The following SAMHD1 variants were observed in gnomAD, a reference collection of about 807,000 sequenced individuals.
The protein encoded by SAMHD1 is SAM and HD domain containing deoxynucleoside triphosphate triphosphohydrolase 1, also known as deoxynucleoside triphosphate triphosphohydrolase SAMHD1.
In SAMHD1, 54 loss-of-function variants were observed where a neutral mutation model predicts 79.6. The ratio of observed to expected loss-of-function variants is 0.68; its 90% CI spans 0.55 to 0.85. SAMHD1 has a LOEUF of 0.85. SAMHD1 is among the 40% of genes least tolerant of loss of function. The pLI is 0.00. For synonymous variants in SAMHD1, 260 were observed against 264.1 expected, an observed-to-expected ratio of 0.98 and a Z score of 0.15; for missense variants, 663 against 782.7, an observed-to-expected ratio of 0.85 and a Z score of 1.82.
At chr20:36,932,458 T>G (rs1186844193) in intron 4 of SAMHD1, among the ~76,000 whole-genome samples, 4 of 143,494 alleles carry the variant, frequency 2.8e-5, no homozygotes, top group African/African-American at 1.0e-4. Flanking sequence ...TTTCGTGTTT[T>G]TTTTTTTTTT....
intron 15 of SAMHD1, chr20:36,893,336 G>A (rs1990126611): frequency 3.8e-6 from 2 of 522,862 alleles, no homozygotes; most frequent in Non-Finnish European, 6.9e-6. Flanking sequence ...CACCTCTATG[G>A]CCTCCTTCAC....
intron 2 of SAMHD1, among the ~76,000 whole-genome samples, chr20:36,944,804 G>T (rs538728781): frequency 6.6e-6 from 1 of 152,116 alleles, no homozygotes; most frequent in Non-Finnish European, 1.5e-5. Context: ...TGAGGCAGGA[G>T]AATCACTTGA....
At chr20:36,947,708 C>T (rs968413307) in intron 1 of SAMHD1, among the ~76,000 whole-genome samples, 4 of 152,012 alleles carry the variant, frequency 2.6e-5, no homozygotes, top group Non-Finnish European at 5.9e-5. Flanking sequence ...TTGCTTGTTG[C>T]CCAGGTTGGA....
chr20:36,908,616 G>C (rs553783823), intron 11 of SAMHD1, among the ~76,000 whole-genome samples: 3 of 152,202 alleles, frequency 2.0e-5, no homozygotes, highest in African/African-American at 7.2e-5. Context: ...ATTTGGGCTT[G>C]TATTTTACAT....
chr20:36,897,096 G>A (rs1025699625), intron 15 of SAMHD1, among the ~76,000 whole-genome samples: 2 of 152,166 alleles, frequency 1.3e-5, no homozygotes, highest in Admixed American at 6.6e-5. Context: ...CCTGGATCAT[G>A]CCTTGTGGCA....
intron 6 of SAMHD1, among the ~76,000 whole-genome samples, chr20:36,926,799 C>T (rs912074776): frequency 2.4e-4 from 36 of 152,192 alleles, no homozygotes; most frequent in Non-Finnish European, 4.3e-4. Flanking sequence ...TAAGTTAGTT[C>T]GTGGTCATAC....
intron 3 of SAMHD1, among the ~76,000 whole-genome samples, chr20:36,937,359 C>CA (rs1352850857): frequency 1.3e-5 from 2 of 151,202 alleles, no homozygotes; most frequent in Non-Finnish European, 2.9e-5. Context: ...CACAAATGAA[C>CA]AAAAAAAATA....
chr20:36,912,998 C>G (rs1277421988), intron 9 of SAMHD1, among the ~76,000 whole-genome samples: 1 of 115,296 alleles, frequency 8.7e-6, no homozygotes, highest in Non-Finnish European at 1.7e-5. Flanking sequence ...TTTCTTTCTT[C>G]CTTTTTTTTT....
chr20:36,893,989 G>T, intron 15 of SAMHD1: 2 of 398,498 alleles, frequency 5.0e-6, no homozygotes, highest in South Asian at 1.3e-4. Flanking sequence ...CCTCTGGCAC[G>T]AGCGGCAGTG....
intron 11 of SAMHD1, among the ~76,000 whole-genome samples, chr20:36,907,599 G>C (rs571693552): frequency 7.1e-6 from 1 of 140,532 alleles, no homozygotes; most frequent in African/African-American, 2.7e-5. Context: ...GAGTGCAATG[G>C]TGCGATCTCA....
At chr20:36,926,595 A>AG (rs1032753952) in intron 6 of SAMHD1, among the ~76,000 whole-genome samples, 39 of 152,110 alleles carry the variant, frequency 2.6e-4, no homozygotes, top group African/African-American at 9.4e-4. Flanking sequence ...AAAGAGAGAG[A>AG]GAAAAAAAAA....
At chr20:36,894,902 T>C (rs959626048) in intron 15 of SAMHD1, among the ~76,000 whole-genome samples, 13 of 152,116 alleles carry the variant, frequency 8.5e-5, no homozygotes, top group Middle Eastern at 3.4e-3. Flanking sequence ...AGACAGCATC[T>C]TGCTCTATCA....
At chr20:36,894,172 A>T (rs865844758) in intron 15 of SAMHD1, 6 of 385,782 alleles carry the variant, frequency 1.6e-5, no homozygotes, top group African/African-American at 1.0e-4. Flanking sequence ...CCCATGTTAA[A>T]TTTTTTCTGT....
rs940384728 is a variant in SAMHD1, at chr20:36,933,749, C to G, written c.509+1280G>C. On this transcript the variant is annotated intron_variant, in intron 4 of 15. Transcript: ENST00000646673. ...CAAGTGATCCGCCTGCCCCGGCCTCCCAAAGTGCTGAGATTGGCCGGGCAC... is the reference window on the plus strand; with the variant it reads ...CAAGTGATCCGCCTGCCCCGGCCTCGCAAAGTGCTGAGATTGGCCGGGCAC... Among the ~76,000 whole-genome samples the G allele has an allele frequency of 1.0e-3, 157 of 152,224 alleles. 1 individual carries two copies. The highest frequency in any genetic ancestry group is 3.5e-3 in the African/African-American group (147 of 41,572).
chr20:36,924,254 G>A (rs1287388032), intron 6 of SAMHD1, among the ~76,000 whole-genome samples: 3 of 150,636 alleles, frequency 2.0e-5, no homozygotes, highest in Non-Finnish European at 4.4e-5. Flanking sequence ...CCTGTTGAGG[G>A]GAGGGGAGGG....
chr20:36,927,300 A>G, intron 5 of SAMHD1, 48 bp from the exon 6 acceptor site: 3 of 1,444,776 alleles, frequency 2.1e-6, no homozygotes, highest in Non-Finnish European at 2.9e-6. Context: ...CTGTAAACCA[A>G]CAAAAACTTT....
At position 36,907,406 on chromosome 20, in the gene SAMHD1, A is replaced by C. The variant is rs181048860; in HGVS notation, c.1271-1903T>G. 1.9e-3 allele frequency among the ~76,000 whole-genome samples: 289 copies of C among 152,174 alleles called. 3 individuals carry two copies. Among genetic ancestry groups the C allele is most frequent in the African/African-American group, 6.5e-3 (269 of 41,506 alleles). ...CTCCTGAGTAACTGGGACTATAGGCACATGCCACCATGCCCAGCTAAACCA... is the reference window on the plus strand; with the variant it reads ...CTCCTGAGTAACTGGGACTATAGGCCCATGCCACCATGCCCAGCTAAACCA... On this transcript the variant is annotated intron_variant, in intron 11 of 15. Transcript: ENST00000646673.
intron 1 of SAMHD1, among the ~76,000 whole-genome samples, chr20:36,947,419 T>TGA (rs1202888319): frequency 9.3e-6 from 1 of 107,570 alleles, no homozygotes; most frequent in Non-Finnish European, 1.8e-5. Context: ...TGTGTGTGTG[T>TGA]GTGTGTGTGT....
Position 36,930,856 on chromosome 20 carries a change from A to C in SAMHD1, c.529T>G (p.Cys177Gly). 6.2e-7 allele frequency: 1 copy of C among 1,613,150 alleles called. No individual in the cohort carries two copies. Among genetic ancestry groups the C allele is most frequent in the Non-Finnish European group, 8.5e-7 (1 of 1,179,134 alleles). The change falls in exon 5 of 16, where the codon TGT becomes GGT. Residue 177 changes from cysteine to glycine, a missense_variant. Cys to Gly is a radical substitution (Grantham distance 159). Transcript: ENST00000646673. ...TTTTCACCCAGTGCGTGAACTAGAC[A>C]TCCTGCTAGATACCCCACCCTGCAG... is the stretch of plus-strand genomic sequence containing the variant. Reference protein sequence around the residue: ...HSLGVGYLAGCLVHALGEKQP... With the variant: ...HSLGVGYLAGGLVHALGEKQP...
Sources: gnomAD v4.1 joint callset for allele counts (sites outside exome capture counted in the v4.1 genomes callset) on GRCh38, gnomAD v4.1.1 for gene constraint, MANE v1.5 for transcripts, NCBI Gene and HGNC (gene_info 2026-07-23, HGNC 2026-07-21) for gene names.